Variants in OR1J2 observed in about 807,000 individuals in gnomAD.
The protein encoded by OR1J2 is olfactory receptor 1J2.
For synonymous variants in OR1J2, 142 were observed against 99.7 expected, an observed-to-expected ratio of 1.42 and a Z score of -2.52; for missense variants, 304 against 246.1, an observed-to-expected ratio of 1.24 and a Z score of -1.57.
At chr9:122,570,459 TA>T in the OR1J2 span, among the ~76,000 whole-genome samples, 7 of 152,250 alleles carry the variant, frequency 4.6e-5, no homozygotes, top group East Asian at 1.3e-3. Flanking sequence ...ACTAAAAAAT[TA>T]AATGCTTACA....
At chr9:122,540,046 T>G in the OR1J2 span, among the ~76,000 whole-genome samples, 26 of 152,182 alleles carry the variant, frequency 1.7e-4, no homozygotes, top group African/African-American at 4.6e-4. Context: ...TTGCAAAAAT[T>G]TTCTCCCATT....
downstream of OR1J2, among the ~76,000 whole-genome samples, chr9:122,515,915 T>C (rs780061746): frequency 3.3e-5 from 5 of 152,182 alleles, no homozygotes; most frequent in Non-Finnish European, 7.3e-5. Context: ...AATTTTTGCC[T>C]GGTTTGCACT....
At chr9:122,472,215 C>A in the OR1J2 span, among the ~76,000 whole-genome samples, 1 of 152,142 alleles carries the variant, frequency 6.6e-6, no homozygotes, top group Non-Finnish European at 1.5e-5. Context: ...GAAGCATTCC[C>A]CTGAAGATGA....
the OR1J2 span, chr9:122,553,953 C>T: frequency 6.2e-7 from 1 of 1,613,960 alleles, no homozygotes; most frequent in East Asian, 2.2e-5. Flanking sequence ...TGGTTCTCAT[C>T]TCACGGTGGT....
At chr9:122,473,711 G>A in the OR1J2 span, among the ~76,000 whole-genome samples, 3 of 152,230 alleles carry the variant, frequency 2.0e-5, no homozygotes, top group South Asian at 4.2e-4. Flanking sequence ...GACTAGTCCC[G>A]TCTTACTATA....
At chr9:122,512,746 A>C (rs1368292878), downstream of OR1J2, among the ~76,000 whole-genome samples, 1 of 152,160 alleles carries the variant, frequency 6.6e-6, no homozygotes, top group Non-Finnish European at 1.5e-5. Flanking sequence ...ATGAAGCCAA[A>C]GTTTGGAAAA....
the OR1J2 span, among the ~76,000 whole-genome samples, chr9:122,500,551 A>T: frequency 6.6e-6 from 1 of 152,240 alleles, no homozygotes; most frequent in Non-Finnish European, 1.5e-5. Context: ...AACATTTTTT[A>T]GGTAAAGGAA....
chr9:122,493,123 T>G, the OR1J2 span, among the ~76,000 whole-genome samples: 1 of 152,188 alleles, frequency 6.6e-6, no homozygotes, highest in South Asian at 2.1e-4. Context: ...TTGTTGAGGA[T>G]TTTTGCATCT....
the OR1J2 span, among the ~76,000 whole-genome samples, chr9:122,543,147 A>G: frequency 6.6e-6 from 1 of 152,212 alleles, no homozygotes; most frequent in South Asian, 2.1e-4. Context: ...CATTTTCCAA[A>G]GCAGTTGTGC....
downstream of OR1J2, among the ~76,000 whole-genome samples, chr9:122,511,898 C>T (rs990653510): frequency 2.0e-5 from 3 of 152,126 alleles, no homozygotes; most frequent in Non-Finnish European, 4.4e-5. Flanking sequence ...GGCCAGAATT[C>T]CATTCTCTTA....
the OR1J2 span, among the ~76,000 whole-genome samples, chr9:122,540,557 C>G: frequency 2.3e-4 from 35 of 152,008 alleles, no homozygotes; most frequent in Admixed American, 6.6e-4. Context: ...CGTGATGCCT[C>G]CAGCTTTGTT....
the OR1J2 span, among the ~76,000 whole-genome samples, chr9:122,551,382 G>A: frequency 6.6e-6 from 1 of 152,118 alleles, no homozygotes; most frequent in Non-Finnish European, 1.5e-5. Context: ...TGGCTGGTGT[G>A]CTTTATTTAG....
chr9:122,462,366 C>T, the OR1J2 span, among the ~76,000 whole-genome samples: 36 of 152,246 alleles, frequency 2.4e-4, no homozygotes, highest in Admixed American at 4.6e-4. Flanking sequence ...AATTCCTATC[C>T]GTTCTGCCAT....
the OR1J2 span, among the ~76,000 whole-genome samples, chr9:122,562,430 G>A: frequency 2.7e-4 from 41 of 152,334 alleles, no homozygotes; most frequent in African/African-American, 9.1e-4. Context: ...CTGTTGTTGG[G>A]ACCCTAGGCC....
chr9:122,571,007 C>T, the OR1J2 span, among the ~76,000 whole-genome samples: 1 of 152,112 alleles, frequency 6.6e-6, no homozygotes, highest in African/African-American at 2.4e-5. Context: ...AACCTTAAGC[C>T]TCTTCATATT....
chr9:122,449,474 A>G, the OR1J2 span, among the ~76,000 whole-genome samples: 3 of 152,032 alleles, frequency 2.0e-5, no homozygotes, highest in Admixed American at 6.5e-5. Context: ...GGTTCACGCC[A>G]TTCTCCTGCC....
chr9:122,563,979 T>C, the OR1J2 span, among the ~76,000 whole-genome samples: 2 of 152,230 alleles, frequency 1.3e-5, no homozygotes, highest in African/African-American at 4.8e-5. Context: ...TGTCTGTATT[T>C]ATGACCATGC....
chr9:122,463,834 G>A, the OR1J2 span, among the ~76,000 whole-genome samples: 2 of 152,154 alleles, frequency 1.3e-5, no homozygotes, highest in African/African-American at 2.4e-5. Context: ...AGGTAGCAGG[G>A]GAGTGAAGTG....
the OR1J2 span, among the ~76,000 whole-genome samples, chr9:122,539,136 AC>A: frequency 6.6e-6 from 1 of 152,200 alleles, no homozygotes; most frequent in East Asian, 1.9e-4. Flanking sequence ...TTTTAATTAT[AC>A]TTTAAGTTTT....
Sources: allele counts gnomAD v4.1 joint callset (sites outside exome capture counted in the v4.1 genomes callset), GRCh38; gene constraint gnomAD v4.1.1; transcripts MANE v1.5; gene names NCBI Gene and HGNC (gene_info 2026-07-23, HGNC 2026-07-21).